MCF2L2: variants seen among roughly 807,000 people sequenced by gnomAD.
MCF2L2 encodes probable guanine nucleotide exchange factor MCF2L2.
MCF2L2 carries 102 observed loss-of-function variants against 150.2 expected under a neutral mutation model. The ratio of observed to expected loss-of-function variants is 0.68; its 90% CI spans 0.58 to 0.80. The LOEUF (loss-of-function observed/expected upper bound fraction) is 0.80. Among genes scored for constraint, MCF2L2 ranks in the 30% least tolerant of loss-of-function variants. MCF2L2 has a pLI of 0.00. For missense variants in MCF2L2, 1,256 were observed against 1,372.8 expected, an observed-to-expected ratio of 0.91 and a Z score of 1.34; for synonymous variants, 465 against 491.3, an observed-to-expected ratio of 0.95 and a Z score of 0.71.
At chr3:183,315,526 T>C (rs925692786) in intron 7 of MCF2L2, among the ~76,000 whole-genome samples, 6 of 152,226 alleles carry the variant, frequency 3.9e-5, no homozygotes, top group African/African-American at 7.2e-5. Flanking sequence ...ATTAATGTAA[T>C]AGAGTATAAA....
intron 14 of MCF2L2, among the ~76,000 whole-genome samples, chr3:183,277,634 A>G (rs965887480): frequency 1.1e-4 from 17 of 151,510 alleles, no homozygotes; most frequent in African/African-American, 4.1e-4. Flanking sequence ...GCTCTAAAAC[A>G]ATATGGCAAT....
At chr3:183,341,475 T>C (rs186105807) in intron 4 of MCF2L2, 65 bp downstream of exon 4, 16,800 of 1,298,138 alleles carry the variant, frequency 0.013, 145 homozygotes, top group Non-Finnish European at 0.017. Context: ...AGGACTTTGA[T>C]ATGAAATAGT....
chr3:183,363,574 A>T (rs1256837745), intron 3 of MCF2L2, among the ~76,000 whole-genome samples: 1 of 152,036 alleles, frequency 6.6e-6, no homozygotes, highest in Non-Finnish European at 1.5e-5. Flanking sequence ...GGAGACCCCA[A>T]CTCTACAAAA....
chr3:183,184,093 C>T (rs550431839), intron 27 of MCF2L2, among the ~76,000 whole-genome samples: 143 of 152,340 alleles, frequency 9.4e-4, no homozygotes, highest in Admixed American at 9.8e-4. Flanking sequence ...TCTTGGCTCA[C>T]AGCAACCTCC....
intron 1 of MCF2L2, among the ~76,000 whole-genome samples, chr3:183,408,969 T>A (rs951386807): frequency 6.6e-6 from 1 of 152,244 alleles, no homozygotes; most frequent in African/African-American, 2.4e-5. Flanking sequence ...AGGTTATAAC[T>A]TTATTAGATT....
In MCF2L2 at chr3:183,179,592, C is replaced by T. The variant is rs779064033; in HGVS notation, c.3206G>A (p.Arg1069His). Residue 1069 changes from arginine to histidine, a missense_variant, in exon 29 of 30, where the codon CGC becomes CAC. Coordinates refer to ENST00000328913, the MANE Select transcript of MCF2L2 (RefSeq NM_015078.4). This position sits in a 1 kb window ranked among gnomAD's most constrained non-coding sequence, Gnocchi z 4.2. Reference protein sequence around the residue: ...GESSQGEKEERDEEETATRST... With the variant: ...GESSQGEKEEHDEEETATRST... ...TCACACTCACGTTTCCTCCTCATCG[C>T]GTTCTTCTTTTTCTCCCTGGCTGCT... 6.2e-7 allele frequency: 1 copy of T among 1,614,130 alleles called. No individual in the cohort carries two copies. Among genetic ancestry groups the T allele is most frequent in the Middle Eastern group, 1.6e-4 (1 of 6,062 alleles).
chr3:183,309,363 A>T (rs1729255351), intron 10 of MCF2L2, among the ~76,000 whole-genome samples: 1 of 152,076 alleles, frequency 6.6e-6, no homozygotes, highest in Admixed American at 6.6e-5. Context: ...GAGGAGCTCA[A>T]GCTGATGGGT....
intron 13 of MCF2L2, among the ~76,000 whole-genome samples, chr3:183,294,563 G>T (rs1328673778): frequency 6.7e-6 from 1 of 148,222 alleles, no homozygotes; most frequent in Non-Finnish European, 1.5e-5. Context: ...GTGTGTGTGT[G>T]TGTGTGTATA....
intron 12 of MCF2L2, chr3:183,296,447 C>T (rs997076519): frequency 6.4e-6 from 1 of 157,136 alleles, no homozygotes; most frequent in African/African-American, 2.4e-5. Context: ...AGCCTTTGCA[C>T]ATGCTGTTCC....
intron 1 of MCF2L2, among the ~76,000 whole-genome samples, chr3:183,413,861 C>A (rs1156824166): frequency 1.3e-5 from 2 of 152,176 alleles, no homozygotes; most frequent in Admixed American, 1.3e-4. Flanking sequence ...AGCTCTTTAT[C>A]CTCGTTGTCT....
chr3:183,216,224 C>G (rs1055711805), intron 21 of MCF2L2, 130 bp from the exon 22 acceptor site: 6 of 972,056 alleles, frequency 6.2e-6, no homozygotes, highest in Non-Finnish European at 9.2e-6. Flanking sequence ...ATTGATCTGT[C>G]TCCCTGCTCC....
chr3:183,363,340 T>C (rs1560041395), intron 3 of MCF2L2, among the ~76,000 whole-genome samples: 1 of 152,202 alleles, frequency 6.6e-6, no homozygotes, highest in Non-Finnish European at 1.5e-5. Context: ...GAGCCAGAGA[T>C]GTATATAAAC....
At chr3:183,213,266 T>C (rs1477832533) in intron 22 of MCF2L2, among the ~76,000 whole-genome samples, 1 of 149,952 alleles carries the variant, frequency 6.7e-6, no homozygotes, top group Non-Finnish European at 1.5e-5. Flanking sequence ...AAAAAACTTT[T>C]GTTTTTTTTT....
rs1176823050 is a variant in MCF2L2, at chr3:183,334,387, A to C, written c.486+4413T>G. On this transcript the variant is annotated intron_variant, in intron 5 of 29. Coordinates refer to ENST00000328913, the MANE Select transcript of MCF2L2 (RefSeq NM_015078.4). The stretch of plus-strand genomic sequence containing the variant: ...TTTAATATTTGGGAAAGTGGACAAC[A>C]CTTTGACTAGGGGATCAAAATTCAC... Among the ~76,000 whole-genome samples, 3 of 152,182 alleles carry C rather than the reference A, an allele frequency of 2.0e-5. No homozygotes were observed. The East Asian group carries it at 5.8e-4, about 29-fold the overall frequency.
intron 15 of MCF2L2, among the ~76,000 whole-genome samples, chr3:183,240,321 T>A (rs769922798): frequency 3.9e-5 from 6 of 152,170 alleles, no homozygotes; most frequent in Non-Finnish European, 8.8e-5. Flanking sequence ...CTGCCACCTC[T>A]CAGGTTCAAA....
At chr3:183,298,765 G>GCGCGCGCGCGCGCGCGCACA in intron 11 of MCF2L2, 1 of 138,500 alleles carries the variant, frequency 7.2e-6, no homozygotes, top group African/African-American at 2.9e-5. Flanking sequence ...AAACACACAT[G>GCGCGCGCGCGCGCGCGCACA]CACACACACA....
At chr3:183,274,931 C>T (rs1192061723) in intron 15 of MCF2L2, among the ~76,000 whole-genome samples, 8 of 151,962 alleles carry the variant, frequency 5.3e-5, no homozygotes, top group African/African-American at 1.7e-4. Context: ...CAACGCCCTA[C>T]GTAAACTTTT....
At chr3:183,413,523 T>C (rs1470315708) in intron 1 of MCF2L2, among the ~76,000 whole-genome samples, 1 of 152,100 alleles carries the variant, frequency 6.6e-6, no homozygotes, top group African/African-American at 2.4e-5. Flanking sequence ...CAGTAACTGT[T>C]TGTCCAGGCA....
intron 15 of MCF2L2, among the ~76,000 whole-genome samples, chr3:183,249,431 G>A (rs1359563849): frequency 6.6e-6 from 1 of 152,210 alleles, no homozygotes; most frequent in African/African-American, 2.4e-5. Flanking sequence ...CTGTCCCTGA[G>A]AGGCCCCACT....
Sources: allele counts gnomAD v4.1 joint callset (sites outside exome capture counted in the v4.1 genomes callset), GRCh38; gene constraint gnomAD v4.1.1; non-coding constraint Gnocchi (gnomAD v3.1); transcripts MANE v1.5; gene names NCBI Gene and HGNC (gene_info 2026-07-23, HGNC 2026-07-21).